LAMA2: variants seen among roughly 807,000 people sequenced by gnomAD.
LAMA2 encodes laminin subunit alpha-2.
A neutral mutation model predicts 364.8 loss-of-function variants in LAMA2; 269 were observed. The observed-to-expected ratio is 0.74, with a 90% CI of 0.67 to 0.82. The LOEUF (loss-of-function observed/expected upper bound fraction) is 0.82, where lower values mean the gene tolerates loss of function less well. LAMA2 is among the 40% of genes least tolerant of loss of function. LAMA2 has a pLI of 0.00. For synonymous variants in LAMA2, 1,379 were observed against 1,370.6 expected, an observed-to-expected ratio of 1.01 and a Z score of -0.14; for missense variants, 3,807 against 3,873.2, an observed-to-expected ratio of 0.98 and a Z score of 0.45.
chr6:129,368,205 G>A (rs1777879570), intron 33 of LAMA2, among the ~76,000 whole-genome samples: 1 of 152,150 alleles, frequency 6.6e-6, no homozygotes. Context: ...CATCACATTG[G>A]GAACTAGGAT....
intron 54 of LAMA2, 104 bp from the exon 55 acceptor site, chr6:129,481,159 A>G (rs1784326114): frequency 2.3e-6 from 2 of 883,798 alleles, no homozygotes; most frequent in Non-Finnish European, 3.8e-6. Context: ...CCTATGATGT[A>G]TTTCATAATC....
chr6:129,363,330 A>T (rs548414313), intron 32 of LAMA2, among the ~76,000 whole-genome samples: 1 of 152,198 alleles, frequency 6.6e-6, no homozygotes, highest in African/African-American at 2.4e-5. Context: ...AGAAATACTG[A>T]TGGTTAGACC....
At chr6:128,932,052 C>T (rs1779518595) in intron 1 of LAMA2, among the ~76,000 whole-genome samples, 1 of 152,054 alleles carries the variant, frequency 6.6e-6, no homozygotes, top group African/African-American at 2.4e-5. Flanking sequence ...AGGAAAAAAA[C>T]CTCTCACAAC....
intron 1 of LAMA2, among the ~76,000 whole-genome samples, chr6:128,938,296 AAGT>A (rs1206572520): frequency 2.0e-4 from 31 of 152,284 alleles, no homozygotes; most frequent in African/African-American, 6.3e-4. Context: ...AGTCAGTAGA[AAGT>A]AGTTAGAATA....
chr6:129,124,377 G>A (rs999048731), intron 4 of LAMA2, among the ~76,000 whole-genome samples: 2 of 152,214 alleles, frequency 1.3e-5, no homozygotes, highest in African/African-American at 4.8e-5. Flanking sequence ...GAGAGATGGT[G>A]TCTCCCTCCA....
intron 1 of LAMA2, among the ~76,000 whole-genome samples, chr6:128,964,116 G>A (rs572079996): frequency 1.3e-4 from 20 of 152,128 alleles, no homozygotes; most frequent in African/African-American, 3.4e-4. Context: ...AGCCTGGAGT[G>A]CAGAATTGTT....
chr6:128,952,014 A>G (rs1780853374), intron 1 of LAMA2, among the ~76,000 whole-genome samples: 1 of 151,972 alleles, frequency 6.6e-6, no homozygotes, highest in South Asian at 2.1e-4. Context: ...AAAATGAAAA[A>G]TAATTAGGCA....
chr6:129,164,250 G>A (rs1779608790), intron 8 of LAMA2, among the ~76,000 whole-genome samples: 1 of 152,130 alleles, frequency 6.6e-6, no homozygotes, highest in South Asian at 2.1e-4. Context: ...GCTGGACAAG[G>A]GGATGATTCA....
At chr6:129,309,902 A>ATTTTTTTTT (rs993652081) in intron 22 of LAMA2, among the ~76,000 whole-genome samples, 16 of 135,774 alleles carry the variant, frequency 1.2e-4, no homozygotes, top group African/African-American at 3.7e-4. Flanking sequence ...CCTGATAATC[A>ATTTTTTTTT]TTTTTTTTTT....
At chr6:129,114,612 T>C (rs974953803) in intron 4 of LAMA2, among the ~76,000 whole-genome samples, 6 of 152,012 alleles carry the variant, frequency 3.9e-5, no homozygotes, top group African/African-American at 1.4e-4. Context: ...AAACTCTATA[T>C]TTTATGTGCA....
chr6:129,425,506 T>A (rs1158984863), intron 40 of LAMA2, among the ~76,000 whole-genome samples: 2 of 151,798 alleles, frequency 1.3e-5, no homozygotes, highest in East Asian at 3.9e-4. Flanking sequence ...GTCATGGAGG[T>A]TTGTTGTATA....
intron 1 of LAMA2, among the ~76,000 whole-genome samples, chr6:128,927,098 G>A (rs769318084): frequency 1.8e-4 from 27 of 152,158 alleles, no homozygotes; most frequent in Non-Finnish European, 2.9e-4. Context: ...CTGAAATGAA[G>A]TGTGAAATGG....
At chr6:129,314,398 C>CAAAAAAAAAAAAAAAAAAAAA (rs3062342) in intron 23 of LAMA2, among the ~76,000 whole-genome samples, 12 of 81,862 alleles carry the variant, frequency 1.5e-4, no homozygotes, top group African/African-American at 6.0e-4. Context: ...GACTCCGTCT[C>CAAAAAAAAAAAAAAAAAAAAA]AAAAAAAAAA....
chr6:129,010,270 C>T (rs1182772013), intron 1 of LAMA2, among the ~76,000 whole-genome samples: 1 of 152,088 alleles, frequency 6.6e-6, no homozygotes, highest in East Asian at 1.9e-4. Context: ...AAAAGAAGAC[C>T]ATCTTCTCCC....
chr6:129,481,235 T>G, intron 54 of LAMA2, 28 bp from the exon 55 acceptor site: 1 of 1,595,436 alleles, frequency 6.3e-7, no homozygotes, highest in Non-Finnish European at 8.6e-7. Flanking sequence ...TTCTAATGGT[T>G]TCTACTCTTC....
At chr6:128,934,794 C>A (rs539784364) in intron 1 of LAMA2, among the ~76,000 whole-genome samples, 2 of 152,298 alleles carry the variant, frequency 1.3e-5, no homozygotes, top group Non-Finnish European at 2.9e-5. Context: ...CAGGCATAAG[C>A]CACTACACCC....
At chr6:128,946,794 A>G (rs1157639563) in intron 1 of LAMA2, among the ~76,000 whole-genome samples, 1 of 152,168 alleles carries the variant, frequency 6.6e-6, no homozygotes, top group Non-Finnish European at 1.5e-5. Flanking sequence ...TCCATATTTT[A>G]GTTCTAAGGT....
intron 29 of LAMA2, among the ~76,000 whole-genome samples, chr6:129,336,832 G>A (rs1423099580): frequency 1.3e-5 from 2 of 152,180 alleles, no homozygotes; most frequent in East Asian, 1.9e-4. Flanking sequence ...CGTAAGCTTT[G>A]TATTTGACCT....
intron 4 of LAMA2, among the ~76,000 whole-genome samples, chr6:129,120,178 A>T (rs528576497): frequency 2.0e-5 from 3 of 152,322 alleles, no homozygotes; most frequent in Non-Finnish European, 4.4e-5. Context: ...TGGTGATTGT[A>T]AAAATATCAA....
Sources: gnomAD v4.1 joint callset for allele counts (sites outside exome capture counted in the v4.1 genomes callset) on GRCh38, gnomAD v4.1.1 for gene constraint, MANE v1.5 for transcripts, NCBI Gene and HGNC (gene_info 2026-07-23, HGNC 2026-07-21) for gene names.